Variants in PRKG1 observed in about 807,000 individuals in gnomAD.
PRKG1 encodes cGMP-dependent protein kinase 1.
PRKG1 carries 35 observed loss-of-function variants against 88.1 expected under a neutral mutation model. The observed-to-expected ratio is 0.40, with a 90% CI of 0.30 to 0.53. The LOEUF is 0.53. Among genes scored for constraint, PRKG1 ranks in the 20% least tolerant of loss-of-function variants. The pLI is 0.59. For missense variants in PRKG1, 540 were observed against 839.8 expected (o/e 0.64, Z 4.41); for synonymous variants, 303 against 292.5 (o/e 1.04, Z -0.37).
intron 4 of PRKG1, among the ~76,000 whole-genome samples, chr10:51,840,611 A>G (rs968836529): frequency 2.0e-5 from 3 of 151,724 alleles, no homozygotes; most frequent in South Asian, 2.1e-4. Context: ...CAGTGGCGCG[A>G]CCTCAGCTCA....
intron 3 of PRKG1, among the ~76,000 whole-genome samples, chr10:51,491,981 C>T (rs1024813340): frequency 3.9e-5 from 6 of 152,080 alleles, no homozygotes; most frequent in Admixed American, 2.0e-4. Context: ...AGGAAAGAAC[C>T]ACAGCTTTCT....
chr10:52,221,859 A>T (rs940949899), intron 9 of PRKG1, among the ~76,000 whole-genome samples: 1 of 152,228 alleles, frequency 6.6e-6, no homozygotes, highest in African/African-American at 2.4e-5. Context: ...AAAAGCTAGC[A>T]AACACTAAAA....
intron 2 of PRKG1, among the ~76,000 whole-genome samples, chr10:51,342,102 C>A (rs767676929): frequency 2.6e-5 from 4 of 152,082 alleles, no homozygotes; most frequent in African/African-American, 9.7e-5. Flanking sequence ...GAAGATGACA[C>A]GTATTTTAGC....
intron 8 of PRKG1, 70 bp from the exon 9 acceptor site, chr10:52,161,819 T>C (rs191134542): frequency 5.9e-4 from 762 of 1,284,018 alleles, no homozygotes; most frequent in Non-Finnish European, 8.2e-4. Context: ...TGTTTCACTA[T>C]ATCACTGACT....
intron 3 of PRKG1, among the ~76,000 whole-genome samples, chr10:51,616,980 C>T (rs1468580639): frequency 6.6e-6 from 1 of 152,270 alleles, no homozygotes; most frequent in African/African-American, 2.4e-5. Context: ...CTGTTGGTGG[C>T]AGGGCTCTAA....
chr10:51,109,423 C>T (rs143068027), intron 1 of PRKG1, among the ~76,000 whole-genome samples: 259 of 152,036 alleles, frequency 1.7e-3, no homozygotes, highest in African/African-American at 6.0e-3. Context: ...CGACAACTGC[C>T]CCCCCAACAC....
At chr10:51,135,303 G>A (rs984716095) in intron 1 of PRKG1, among the ~76,000 whole-genome samples, 5 of 152,128 alleles carry the variant, frequency 3.3e-5, no homozygotes, top group African/African-American at 4.8e-5. Context: ...CTTATTTGAC[G>A]TTTTTAAAGC....
At chr10:52,186,415 C>T (rs537295741) in intron 9 of PRKG1, among the ~76,000 whole-genome samples, 11 of 151,984 alleles carry the variant, frequency 7.2e-5, no homozygotes, top group African/African-American at 2.7e-4. Flanking sequence ...CCTGCTATTC[C>T]TGAAGGATTT....
chr10:51,220,612 A>C (rs1255938528), intron 2 of PRKG1, among the ~76,000 whole-genome samples: 9 of 152,182 alleles, frequency 5.9e-5, no homozygotes, highest in African/African-American at 2.2e-4. Flanking sequence ...ATAAACATCT[A>C]GTATCTGGAT....
intron 2 of PRKG1, among the ~76,000 whole-genome samples, chr10:51,420,277 T>A (rs1838372359): frequency 6.6e-6 from 1 of 152,132 alleles, no homozygotes; most frequent in Non-Finnish European, 1.5e-5. Context: ...TGAATAGACC[T>A]CCTTCTCTTG....
intron 3 of PRKG1, among the ~76,000 whole-genome samples, chr10:51,646,672 T>C (rs945258393): frequency 6.6e-6 from 1 of 152,088 alleles, no homozygotes; most frequent in African/African-American, 2.4e-5. Flanking sequence ...ACACTTGATA[T>C]ATTATACTTT....
intron 8 of PRKG1, among the ~76,000 whole-genome samples, chr10:52,155,159 A>G: frequency 7.1e-6 from 1 of 141,316 alleles, no homozygotes; most frequent in East Asian, 2.1e-4. Context: ...GATATACAGT[A>G]CTGGGATTGC....
chr10:51,505,656 ATTGGTCT>A (rs1841177788), intron 3 of PRKG1, among the ~76,000 whole-genome samples: 1 of 151,992 alleles, frequency 6.6e-6, no homozygotes, highest in Non-Finnish European at 1.5e-5. Flanking sequence ...AGAGCCTGTT[ATTGGTCT>A]ATTCAGAGAT....
At chr10:52,128,616 T>A in intron 7 of PRKG1, 1 of 970,906 alleles carries the variant, frequency 1.0e-6, no homozygotes, top group Non-Finnish European at 1.2e-6. Context: ...TGAAAGGAAT[T>A]TCTAACACAT....
chr10:51,561,213 A>G (rs532887039), intron 3 of PRKG1, among the ~76,000 whole-genome samples: 1 of 152,168 alleles, frequency 6.6e-6, no homozygotes, highest in Admixed American at 6.6e-5. Flanking sequence ...GATATGCTGG[A>G]GGGAGCAGAG....
At chr10:51,752,077 C>G (rs1022697173) in intron 3 of PRKG1, among the ~76,000 whole-genome samples, 1 of 152,192 alleles carries the variant, frequency 6.6e-6, no homozygotes, top group Non-Finnish European at 1.5e-5. Flanking sequence ...AACTCCCACA[C>G]AGTTTGGAAT....
At chr10:52,219,744 A>G (rs1220244541) in intron 9 of PRKG1, among the ~76,000 whole-genome samples, 1 of 152,220 alleles carries the variant, frequency 6.6e-6, no homozygotes, top group Non-Finnish European at 1.5e-5. Context: ...TGAGGGCAAA[A>G]TAATAATTCC....
intron 14 of PRKG1, among the ~76,000 whole-genome samples, chr10:52,288,430 TCAG>T (rs1842169121): frequency 6.6e-6 from 1 of 151,994 alleles, no homozygotes; most frequent in Non-Finnish European, 1.5e-5. Context: ...GTGGAAAAGG[TCAG>T]AGAGTAGAAG....
chr10:51,319,971 G>T, intron 2 of PRKG1: 1 of 231,860 alleles, frequency 4.3e-6, no homozygotes. Context: ...CTGGTCCTCA[G>T]CCATAACAAG....
Sources: gnomAD v4.1 joint callset for allele counts (sites outside exome capture counted in the v4.1 genomes callset) on GRCh38, gnomAD v4.1.1 for gene constraint, MANE v1.5 for transcripts, NCBI Gene and HGNC (gene_info 2026-07-23, HGNC 2026-07-21) for gene names.